B3GLCT: variants seen among roughly 807,000 people sequenced by gnomAD.
B3GLCT encodes the protein beta-1,3-glucosyltransferase.
In B3GLCT, 65 loss-of-function variants were observed where a neutral mutation model predicts 63.4. That is an observed-to-expected ratio of 1.03 (90% CI 0.84 to 1.26). B3GLCT has a LOEUF of 1.26. Among genes scored for constraint, B3GLCT ranks in the 50% most tolerant of loss-of-function variants. The probability of loss-of-function intolerance (pLI) is 0.00; values close to 1 mark genes in which losing one functional copy is unlikely to be tolerated. For missense variants in B3GLCT, 577 were observed against 604.8 expected, an observed-to-expected ratio of 0.95 and a Z score of 0.48; for synonymous variants, 233 against 219.2, an observed-to-expected ratio of 1.06 and a Z score of -0.55.
At chr13:31,295,509 T>C (rs1378074530) in intron 12 of B3GLCT, among the ~76,000 whole-genome samples, 1 of 152,212 alleles carries the variant, frequency 6.6e-6, no homozygotes, top group Admixed American at 6.5e-5. Context: ...AGAGATCCCC[T>C]GCCCAGAGAG....
intron 12 of B3GLCT, among the ~76,000 whole-genome samples, chr13:31,298,038 C>T (rs987589091): frequency 2.6e-5 from 4 of 152,176 alleles, no homozygotes; most frequent in Non-Finnish European, 2.9e-5. Flanking sequence ...CCATTGGCCA[C>T]TGATGATCAA....
chr13:31,264,515 A>G lies in B3GLCT; in HGVS notation c.596+3433A>G, dbSNP rs1872198003. Among the ~76,000 whole-genome samples, 3 of 152,202 alleles carry G rather than the reference A, an allele frequency of 2.0e-5. No homozygotes were observed. The South Asian group carries it at 6.2e-4, about 32-fold the overall frequency. ...GCAAAATAAATATGCAGACTCTACCATAATGCCATATTTAAAATTCTACTT... is the reference window on the plus strand; with the variant it reads ...GCAAAATAAATATGCAGACTCTACCGTAATGCCATATTTAAAATTCTACTT... On this transcript the variant is annotated intron_variant, in intron 7 of 14. Coordinates refer to ENST00000343307, the MANE Select transcript of B3GLCT (RefSeq NM_194318.4).
At chr13:31,256,911 T>TAAA (rs35174736) in intron 6 of B3GLCT, among the ~76,000 whole-genome samples, 1 of 147,096 alleles carries the variant, frequency 6.8e-6, no homozygotes, top group East Asian at 2.0e-4. Flanking sequence ...CCCCAGAACT[T>TAAA]AAAAAAAAAA....
intron 4 of B3GLCT, 111 bp from the exon 5 acceptor site, chr13:31,246,912 A>C: frequency 1.2e-6 from 1 of 840,616 alleles, no homozygotes; most frequent in Non-Finnish European, 1.9e-6. Flanking sequence ...ATTTTAAGCC[A>C]AGCCTTTTCT....
At chr13:31,276,145 T>C (rs1378128881) in intron 9 of B3GLCT, among the ~76,000 whole-genome samples, 2 of 152,064 alleles carry the variant, frequency 1.3e-5, no homozygotes, top group Non-Finnish European at 2.9e-5. Flanking sequence ...CCACCAGGTG[T>C]TTCAAGGAAT....
Position 31,216,740 on chromosome 13 carries a change from C to T in B3GLCT, c.120+1640C>T, listed in dbSNP as rs189618781. ...TTCTGCATTAATTGGGTTAGGCTAACGGCCTCCAGCTCCATCCATGTTGCT... is the reference window on the plus strand; with the variant it reads ...TTCTGCATTAATTGGGTTAGGCTAATGGCCTCCAGCTCCATCCATGTTGCT... On this transcript the variant is annotated intron_variant, in intron 2 of 14. Transcript: ENST00000343307. 3.9e-5 allele frequency among the ~76,000 whole-genome samples: 6 copies of T among 152,292 alleles called. No individual in the cohort carries two copies. The South Asian group carries it at 8.3e-4, about 21-fold the overall frequency.
chr13:31,285,858 G>T (rs1034421536), intron 11 of B3GLCT, among the ~76,000 whole-genome samples: 1 of 151,980 alleles, frequency 6.6e-6, no homozygotes, highest in African/African-American at 2.4e-5. Context: ...TACCTTATTT[G>T]ATGTCTTCAT....
At chr13:31,230,485 A>G (rs928939474) in intron 4 of B3GLCT, among the ~76,000 whole-genome samples, 1 of 152,214 alleles carries the variant, frequency 6.6e-6, no homozygotes, top group African/African-American at 2.4e-5. Flanking sequence ...GGAAACATAA[A>G]CAGCCTTAAC....
At chr13:31,210,483 C>G (rs894401432) in intron 1 of B3GLCT, among the ~76,000 whole-genome samples, 5 of 152,198 alleles carry the variant, frequency 3.3e-5, no homozygotes, top group Admixed American at 6.5e-5. Flanking sequence ...CTTTCCCTCA[C>G]TCCTTCTTTT....
chr13:31,202,664 C>G (rs932749390), intron 1 of B3GLCT, among the ~76,000 whole-genome samples: 1 of 152,160 alleles, frequency 6.6e-6, no homozygotes, highest in South Asian at 2.1e-4. Context: ...ACAGAGATAT[C>G]TTTAGAGATT....
At chr13:31,297,803 A>C (rs905632364) in intron 12 of B3GLCT, among the ~76,000 whole-genome samples, 3 of 152,118 alleles carry the variant, frequency 2.0e-5, no homozygotes, top group African/African-American at 7.2e-5. Context: ...AATTTGCTAG[A>C]GTGGCTCTCA....
At chr13:31,207,374 C>G (rs1286709349) in intron 1 of B3GLCT, among the ~76,000 whole-genome samples, 1 of 151,574 alleles carries the variant, frequency 6.6e-6, no homozygotes, top group Non-Finnish European at 1.5e-5. Flanking sequence ...TCTGACCCTT[C>G]CTATGACTTA....
At chr13:31,288,130 T>C (rs1007877325) in intron 12 of B3GLCT, among the ~76,000 whole-genome samples, 1 of 152,132 alleles carries the variant, frequency 6.6e-6, no homozygotes, top group Non-Finnish European at 1.5e-5. Flanking sequence ...AGAGTGTCAA[T>C]GAACCCCAGG....
chr13:31,201,357 G>A (rs1868658599), intron 1 of B3GLCT, among the ~76,000 whole-genome samples: 1 of 152,222 alleles, frequency 6.6e-6, no homozygotes, highest in Non-Finnish European at 1.5e-5. Context: ...AAAAGAGCAA[G>A]ATTAGTTGGT....
rs1332153939 is a variant in B3GLCT at position 31,327,708 on chromosome 13, A to G, written c.1330-1793A>G. On this transcript the variant is annotated intron_variant, in intron 14 of 14. Coordinates refer to ENST00000343307, the MANE Select transcript of B3GLCT (RefSeq NM_194318.4). ...CTTGCAAAGAAACGTCGTATAATAAATGAATTCCTTCAACTAATATTCAAA... is the reference window on the plus strand; with the variant it reads ...CTTGCAAAGAAACGTCGTATAATAAGTGAATTCCTTCAACTAATATTCAAA... Among the ~76,000 whole-genome samples, 7 of 152,226 alleles carry G rather than the reference A, an allele frequency of 4.6e-5. No homozygotes were observed. The East Asian group carries it at 1.3e-3, about 29-fold the overall frequency.
chr13:31,241,224 C>G (rs917371766), intron 4 of B3GLCT, among the ~76,000 whole-genome samples: 1 of 152,332 alleles, frequency 6.6e-6, no homozygotes, highest in Non-Finnish European at 1.5e-5. Flanking sequence ...GGGCTCAGCC[C>G]ATTAAGGCAG....
At chr13:31,230,168 A>G (rs897464409) in intron 4 of B3GLCT, among the ~76,000 whole-genome samples, 10 of 152,252 alleles carry the variant, frequency 6.6e-5, no homozygotes, top group Non-Finnish European at 1.5e-4. Flanking sequence ...ATATAGGTAC[A>G]TTTTAATAAC....
chr13:31,229,433 T>C (rs1260540250), intron 4 of B3GLCT, 139 bp downstream of exon 4: 13 of 704,490 alleles, frequency 1.8e-5, no homozygotes, highest in Non-Finnish European at 3.1e-5. Context: ...TTATTTAATA[T>C]TGAGTATTTG....
chr13:31,301,114 T>C (rs1311489594), intron 12 of B3GLCT, among the ~76,000 whole-genome samples: 3 of 152,224 alleles, frequency 2.0e-5, no homozygotes, highest in Non-Finnish European at 2.9e-5. Context: ...TTCATCAAGA[T>C]CACTTTATGT....
Sources: allele counts gnomAD v4.1 joint callset (sites outside exome capture counted in the v4.1 genomes callset), GRCh38; gene constraint gnomAD v4.1.1; transcripts MANE v1.5; gene names NCBI Gene and HGNC (gene_info 2026-07-23, HGNC 2026-07-21).